The following MACROD2 variants were observed in gnomAD, a reference collection of about 807,000 sequenced individuals.
MACROD2 encodes mono-ADP ribosylhydrolase 2.
Under a neutral mutation model 70.4 loss-of-function variants are expected in MACROD2, and 36 were observed. The observed-to-expected ratio is 0.51, with a 90% CI of 0.39 to 0.68. MACROD2 has a LOEUF of 0.68. Among genes scored for constraint, MACROD2 ranks in the 30% least tolerant of loss-of-function variants. The pLI, the probability that MACROD2 is intolerant of heterozygous loss-of-function variation, is 0.00. For missense variants in MACROD2, 496 were observed against 538.4 expected (o/e 0.92, Z 0.78); for synonymous variants, 172 against 178.8 (o/e 0.96, Z 0.30).
intron 3 of MACROD2, among the ~76,000 whole-genome samples, chr20:14,093,881 T>C (rs1569156108): frequency 6.6e-6 from 1 of 151,876 alleles, no homozygotes. Flanking sequence ...TGAGTGTATA[T>C]TGCACTTAGG....
intron 8 of MACROD2, among the ~76,000 whole-genome samples, chr20:15,665,862 G>A (rs907608276): frequency 6.6e-6 from 1 of 152,162 alleles, no homozygotes; most frequent in Non-Finnish European, 1.5e-5. Flanking sequence ...CCAGCCTGTG[G>A]TGACCCTCCT....
chr20:15,367,170 A>G (rs1368339566), intron 6 of MACROD2, among the ~76,000 whole-genome samples: 1 of 151,500 alleles, frequency 6.6e-6, no homozygotes, highest in Non-Finnish European at 1.5e-5. Flanking sequence ...TGGGACTACA[A>G]GCACGTGCCA....
intron 5 of MACROD2, among the ~76,000 whole-genome samples, chr20:15,152,430 TG>T (rs2076276953): frequency 8.2e-6 from 1 of 122,640 alleles, no homozygotes; most frequent in Non-Finnish European, 1.7e-5. Context: ...AATAAGGGGT[TG>T]GGGCACAGAG....
chr20:14,114,685 A>G (rs1357212015), intron 3 of MACROD2, among the ~76,000 whole-genome samples: 1 of 152,154 alleles, frequency 6.6e-6, no homozygotes, highest in Non-Finnish European at 1.5e-5. Flanking sequence ...AAGACCTATG[A>G]TATAACTCCA....
rs2146491347 is a variant in MACROD2, at chr20:15,499,810, A to G, written c.608A>G (p.Asn203Ser). ...PNEPAAVIAL[N>S]TIKEWLAKNH... ...GAGCCTGCTGCAGTCATTGCCCTCA[A>G]CACCATTAAGGAATGGCTTGCCAAG... Residue 203 changes from asparagine (N) to serine (S), a missense_variant, in exon 8 of 18, where the codon AAC (asparagine) becomes AGC (serine). Coordinates refer to ENST00000684519, the MANE Select transcript of MACROD2 (RefSeq NM_001351661.2). 1 of 1,613,848 alleles carries G rather than the reference A, an allele frequency of 6.2e-7. No individual in the cohort carries two copies. Among genetic ancestry groups the G allele is most frequent in the East Asian group, 2.2e-5 (1 of 44,860 alleles).
chr20:14,040,632 G>C (rs1478922255), intron 2 of MACROD2, among the ~76,000 whole-genome samples: 1 of 152,174 alleles, frequency 6.6e-6, no homozygotes, highest in Non-Finnish European at 1.5e-5. Flanking sequence ...AAGTGAGTGA[G>C]TGGTGAGTGA....
intron 4 of MACROD2, among the ~76,000 whole-genome samples, chr20:14,515,461 A>ACACACACACACGCG (rs571641283): frequency 1.2e-5 from 1 of 80,848 alleles, no homozygotes; most frequent in African/African-American, 5.0e-5. Context: ...AGATACACAC[A>ACACACACACACGCG]CACGCACACA....
intron 3 of MACROD2, among the ~76,000 whole-genome samples, chr20:14,418,177 T>C (rs2083832635): frequency 6.6e-6 from 1 of 152,220 alleles, no homozygotes; most frequent in Admixed American, 6.5e-5. Flanking sequence ...GAATAGGACT[T>C]TGTTCCTTTA....
intron 5 of MACROD2, among the ~76,000 whole-genome samples, chr20:14,825,545 A>C (rs1197232220): frequency 1.3e-5 from 2 of 152,160 alleles, no homozygotes; most frequent in Non-Finnish European, 2.9e-5. Context: ...GCACATGGCC[A>C]TGAAATTCCA....
intron 13 of MACROD2, among the ~76,000 whole-genome samples, chr20:15,979,277 C>A (rs188988869): frequency 6.6e-6 from 1 of 152,088 alleles, no homozygotes; most frequent in Non-Finnish European, 1.5e-5. Flanking sequence ...AGGATCTAGA[C>A]GAAGGAACAT....
At chr20:14,582,947 T>G (rs1364001705) in intron 4 of MACROD2, among the ~76,000 whole-genome samples, 1 of 152,156 alleles carries the variant, frequency 6.6e-6, no homozygotes, top group African/African-American at 2.4e-5. Flanking sequence ...TCCTCTGCAC[T>G]CTTGATCTTT....
rs1568567464 is a variant in MACROD2 at position 15,088,447 on chromosome 20, AT to A, written c.419-141492del. On this transcript the variant is annotated intron_variant, in intron 5 of 17. Transcript: ENST00000684519. The stretch of plus-strand genomic sequence containing the variant: ...TATATATATATATATATATATATAT[AT>A]ATAATATTTTGTGTGTGTGTGTGTG... Among the ~76,000 whole-genome samples, 280 of 75,372 alleles carry A rather than the reference AT, an allele frequency of 3.7e-3. 3 individuals carry two copies. Among genetic ancestry groups the A allele is most frequent in the African/African-American group, 0.011 (195 of 17,088 alleles). The allele number at this position is 75,372 out of a possible 152,430, so 49.4% of individuals were successfully genotyped here.
At chr20:15,421,183 A>G (rs4814364) in intron 6 of MACROD2, among the ~76,000 whole-genome samples, 46,924 of 151,632 alleles carry the variant, frequency 0.31, 7,519 homozygotes, top group African/African-American at 0.38. Flanking sequence ...TTAGAGACCA[A>G]CCTGGCCAGC....
At chr20:14,144,999 T>G (rs2148707871) in intron 3 of MACROD2, among the ~76,000 whole-genome samples, 1 of 152,318 alleles carries the variant, frequency 6.6e-6, no homozygotes, top group East Asian at 1.9e-4. Context: ...TGTCCAGGGC[T>G]TTGCCTTATC....
At chr20:14,797,149 C>T (rs548947367) in intron 5 of MACROD2, among the ~76,000 whole-genome samples, 2 of 152,138 alleles carry the variant, frequency 1.3e-5, no homozygotes, top group East Asian at 3.9e-4. Flanking sequence ...ATTGACTTGA[C>T]CCCTGCTGAG....
At chr20:14,288,612 A>T in intron 3 of MACROD2, among the ~76,000 whole-genome samples, 1 of 152,056 alleles carries the variant, frequency 6.6e-6, no homozygotes, top group South Asian at 2.1e-4. Flanking sequence ...TCTTAACACC[A>T]TGGGAGGTGA....
chr20:15,641,229 C>T (rs1371281509), intron 8 of MACROD2, among the ~76,000 whole-genome samples: 1 of 152,142 alleles, frequency 6.6e-6, no homozygotes. Flanking sequence ...TTTTCTTATT[C>T]TTTTCTTCTC....
intron 15 of MACROD2, among the ~76,000 whole-genome samples, chr20:16,034,895 G>A (rs1601357518): frequency 6.6e-6 from 1 of 151,248 alleles, no homozygotes; most frequent in African/African-American, 2.4e-5. Flanking sequence ...CCACATATCA[G>A]TGAGAACATA....
intron 3 of MACROD2, chr20:14,323,177 T>C (rs1472952827): frequency 6.6e-6 from 1 of 152,326 alleles, no homozygotes; most frequent in East Asian, 1.9e-4. Context: ...GGTTGAGGGC[T>C]TATTCCCACA....
Sources: gnomAD v4.1 joint callset for allele counts (sites outside exome capture counted in the v4.1 genomes callset) on GRCh38, gnomAD v4.1.1 for gene constraint, MANE v1.5 for transcripts, NCBI Gene and HGNC (gene_info 2026-07-23, HGNC 2026-07-21) for gene names.